Variants in FLRT2 observed in about 807,000 individuals in gnomAD.
FLRT2 encodes the protein leucine-rich repeat transmembrane protein FLRT2.
Under a neutral mutation model 40.0 loss-of-function variants are expected in FLRT2, and 15 were observed. That is an observed-to-expected ratio of 0.38 (90% CI 0.25 to 0.58). The LOEUF (loss-of-function observed/expected upper bound fraction) is 0.58, where lower values mean the gene tolerates loss of function less well. FLRT2 is among the 20% of genes least tolerant of loss of function. The pLI, the probability that FLRT2 is intolerant of heterozygous loss-of-function variation, is 0.71. For missense variants in FLRT2, 726 were observed against 840.0 expected, an observed-to-expected ratio of 0.86 and a Z score of 1.68; for synonymous variants, 380 against 336.8, an observed-to-expected ratio of 1.13 and a Z score of -1.41.
At chr14:85,568,383 A>C (rs1193241971) in intron 1 of FLRT2, among the ~76,000 whole-genome samples, 1 of 152,176 alleles carries the variant, frequency 6.6e-6, no homozygotes, top group African/African-American at 2.4e-5. Context: ...CATGGAAATC[A>C]TAAAATGATT....
At chr14:85,568,938 C>G (rs1473849980) in intron 1 of FLRT2, among the ~76,000 whole-genome samples, 2 of 152,076 alleles carry the variant, frequency 1.3e-5, no homozygotes, top group East Asian at 1.9e-4. Context: ...CCTCTTTTCC[C>G]TCGTCTCCCT....
At chr14:85,618,754 A>C (rs1893249660) in intron 1 of FLRT2, among the ~76,000 whole-genome samples, 1 of 152,244 alleles carries the variant, frequency 6.6e-6, no homozygotes, top group African/African-American at 2.4e-5. Flanking sequence ...AGATGTTCAT[A>C]GTGCTTCACA....
chr14:85,537,762 T>C (rs961757717), intron 1 of FLRT2, among the ~76,000 whole-genome samples: 2 of 151,948 alleles, frequency 1.3e-5, no homozygotes, highest in Non-Finnish European at 2.9e-5. Flanking sequence ...TTCATTCTCA[T>C]GGAACAGTAA....
intron 1 of FLRT2, among the ~76,000 whole-genome samples, chr14:85,531,791 A>T (rs1448916893): frequency 2.0e-5 from 3 of 152,202 alleles, no homozygotes; most frequent in African/African-American, 7.2e-5. Flanking sequence ...AATGTAAGTC[A>T]ACGCGCTTTC....
At position 85,641,884 on chromosome 14, in the gene FLRT2, A is replaced by G. The variant is rs1894157856; in HGVS notation, c.*18387A>G. On this transcript the variant is annotated 3_prime_UTR_variant, in exon 2 of 2. Coordinates refer to ENST00000330753, the MANE Select transcript of FLRT2 (RefSeq NM_013231.6). ...GAAAAAAAAATCAGCAGCTGAAATT[A>G]TTACCTGAGATCACCTGGAATGAAG... is the stretch of plus-strand genomic sequence containing the variant. 6.6e-6 allele frequency: 1 copy of G among 152,142 alleles called. No individual in the cohort carries two copies. The highest frequency in any genetic ancestry group is 1.5e-5 in the Non-Finnish European group (1 of 68,036). The allele number at this position is 152,142 out of a possible 1,614,324, so 9.4% of individuals were successfully genotyped here.
chr14:85,544,930 G>A (rs1889194371), intron 1 of FLRT2, among the ~76,000 whole-genome samples: 1 of 152,114 alleles, frequency 6.6e-6, no homozygotes, highest in Non-Finnish European at 1.5e-5. Flanking sequence ...GAGTAGAAGA[G>A]GATAGAGCAC....
In FLRT2 at chr14:85,586,389, A is replaced by G. The variant is rs113099616; in HGVS notation, c.-376-34750A>G. Among the ~76,000 whole-genome samples the G allele has an allele frequency of 7.5e-3, 1,143 of 152,216 alleles. 18 individuals carry two copies. Among genetic ancestry groups the G allele is most frequent in the Non-Finnish European group, 0.01 (709 of 68,004 alleles). ...ACTGACAATACTGATATAAGAAACA[A>G]TGTTCAATCAATAACATACAGTTTC... On this transcript the variant is annotated intron_variant, in intron 1 of 1. Transcript: ENST00000330753.
intron 1 of FLRT2, among the ~76,000 whole-genome samples, chr14:85,619,842 G>C (rs563841720): frequency 6.6e-6 from 1 of 152,316 alleles, no homozygotes; most frequent in South Asian, 2.1e-4. Flanking sequence ...GAGCAAGAAG[G>C]CATGATTACT....
intron 1 of FLRT2, among the ~76,000 whole-genome samples, chr14:85,539,132 A>G (rs545174355): frequency 1.3e-5 from 2 of 152,152 alleles, no homozygotes; most frequent in South Asian, 2.1e-4. Flanking sequence ...CCGGGCCCTT[A>G]CATTTTCCAG....
intron 1 of FLRT2, among the ~76,000 whole-genome samples, chr14:85,545,946 G>A (rs1173703708): frequency 6.6e-6 from 1 of 152,196 alleles, no homozygotes; most frequent in Non-Finnish European, 1.5e-5. Flanking sequence ...TGGGAAAAAT[G>A]GAGAATTGAC....
chr14:85,579,196 G>T (rs1047809620), intron 1 of FLRT2, among the ~76,000 whole-genome samples: 2 of 152,276 alleles, frequency 1.3e-5, no homozygotes. Context: ...GGTGAGAGTG[G>T]GAGGCTGGAG....
At position 85,653,913 on chromosome 14, in the gene FLRT2, A is replaced by G. The variant is rs770400473; in HGVS notation, c.*30416A>G. 5.7e-4 allele frequency: 87 copies of G among 152,208 alleles called. No individual in the cohort carries two copies. The highest frequency in any genetic ancestry group is 3.2e-3 in the Middle Eastern group (1 of 316). 9.4% of individuals were successfully genotyped at this position (152,208 alleles called of 1,614,324 possible). ...CCTATTTTTTTAAATTGAAGTACAA[A>G]GAAACTGTAGCTATAATTATCTTTC... On this transcript the variant is annotated 3_prime_UTR_variant, in exon 2 of 2. Coordinates refer to ENST00000330753, the MANE Select transcript of FLRT2 (RefSeq NM_013231.6).
chr14:85,623,620 ATACTC>A lies in FLRT2; in HGVS notation c.*125_*129del, dbSNP rs1385614461. 1 of 728,102 alleles carries A rather than the reference ATACTC, an allele frequency of 1.4e-6. No individual in the cohort carries two copies. Among genetic ancestry groups the A allele is most frequent in the African/African-American group, 1.8e-5 (1 of 55,108 alleles). 45.1% of individuals were successfully genotyped at this position (728,102 alleles called of 1,614,324 possible). A position where few individuals can be genotyped will look rare whatever the true frequency, so the allele number is the denominator to read the frequency against. ...TACACAGATGCATTTGTGCATTTGA[ATACTC>A]TGTAATTTATACGGTGTACTATATA... is the stretch of plus-strand genomic sequence containing the variant. On this transcript the variant is annotated 3_prime_UTR_variant, in exon 2 of 2. Transcript: ENST00000330753.
chr14:85,543,967 T>C (rs1363806405), intron 1 of FLRT2, among the ~76,000 whole-genome samples: 1 of 152,200 alleles, frequency 6.6e-6, no homozygotes, highest in Non-Finnish European at 1.5e-5. Context: ...ATTCATTTCA[T>C]CTCTGTGGTG....
Position 85,643,804 on chromosome 14 carries a change from G to A in FLRT2, c.*20307G>A, listed in dbSNP as rs960217002. On this transcript the variant is annotated 3_prime_UTR_variant, in exon 2 of 2. Coordinates refer to ENST00000330753, the MANE Select transcript of FLRT2 (RefSeq NM_013231.6). ...AAAATGTGCTCCCTGTTTAAGTGGG[G>A]TTGGTGGAATCCTGGAGTGACAGAG... 6.6e-6 allele frequency: 1 copy of A among 152,238 alleles called. No individual in the cohort carries two copies. The highest frequency in any genetic ancestry group is 2.4e-5 in the African/African-American group (1 of 41,438). The allele number at this position is 152,238 out of a possible 1,614,324, so 9.4% of individuals were successfully genotyped here.
At chr14:85,584,616 T>C (rs1216722458) in intron 1 of FLRT2, among the ~76,000 whole-genome samples, 1 of 152,208 alleles carries the variant, frequency 6.6e-6, no homozygotes, top group Non-Finnish European at 1.5e-5. Context: ...TGCCTGCTCC[T>C]CTGCAAACAG....
chr14:85,617,853 T>C (rs569689658), intron 1 of FLRT2, among the ~76,000 whole-genome samples: 1 of 152,318 alleles, frequency 6.6e-6, no homozygotes, highest in East Asian at 1.9e-4. Context: ...GATCAACACA[T>C]TGTGGTCTAG....
chr14:85,548,189 T>G (rs949677092), intron 1 of FLRT2, among the ~76,000 whole-genome samples: 2 of 152,216 alleles, frequency 1.3e-5, no homozygotes, highest in African/African-American at 4.8e-5. Flanking sequence ...CTGTGAAACT[T>G]CCATAGAGTA....
chr14:85,626,172 C>G lies in FLRT2; in HGVS notation c.*2675C>G, dbSNP rs556952682. On this transcript the variant is annotated 3_prime_UTR_variant, in exon 2 of 2. Transcript: ENST00000330753. ...CTCACCTGCACCAGGATAGAAAGCA[C>G]GTGATGGAATCTGTGATGTCTAATG... is the stretch of plus-strand genomic sequence containing the variant. 6.0e-6 allele frequency: 1 copy of G among 167,152 alleles called. No individual in the cohort carries two copies. The highest frequency in any genetic ancestry group is 1.9e-4 in the East Asian group (1 of 5,176). The allele number at this position is 167,152 out of a possible 1,614,324, so 10.4% of individuals were successfully genotyped here.
Sources: allele counts gnomAD v4.1 joint callset (sites outside exome capture counted in the v4.1 genomes callset), GRCh38; gene constraint gnomAD v4.1.1; transcripts MANE v1.5; gene names NCBI Gene and HGNC (gene_info 2026-07-23, HGNC 2026-07-21).